RAPGEF2: variants seen among roughly 807,000 people sequenced by gnomAD.
The protein encoded by RAPGEF2 is Rap guanine nucleotide exchange factor 2.
RAPGEF2 carries 54 observed loss-of-function variants against 186.7 expected under a neutral mutation model. The ratio of observed to expected loss-of-function variants is 0.29; its 90% CI spans 0.23 to 0.36. The LOEUF is 0.36. Among genes scored for constraint, RAPGEF2 ranks in the 10% least tolerant of loss-of-function variants. RAPGEF2 has a pLI of 1.00. For missense variants in RAPGEF2, 1,532 were observed against 2,045.0 expected (o/e 0.75, Z 4.84); for synonymous variants, 712 against 705.9 (o/e 1.01, Z -0.14).
At chr4:159,301,689 T>C (rs572110944) in intron 7 of RAPGEF2, among the ~76,000 whole-genome samples, 3 of 152,022 alleles carry the variant, frequency 2.0e-5, no homozygotes, top group Admixed American at 1.3e-4. Flanking sequence ...ACCCTTTTAT[T>C]ATCTACAAAA....
chr4:159,160,984 GT>G (rs35097802), intron 1 of RAPGEF2, among the ~76,000 whole-genome samples: 53,160 of 151,602 alleles, frequency 0.35, 10,741 homozygotes, highest in East Asian at 0.6. Flanking sequence ...AGAAATTAAA[GT>G]TTTTTTTAAT....
At position 159,210,587 on chromosome 4, in the gene RAPGEF2, TTGTATAGACATTC is replaced by T. The variant is rs765490216; in HGVS notation, c.281+9_281+21del. On this transcript the variant is annotated splice_donor_5th_base_variant and intron_variant, in intron 4 of 29. Coordinates refer to ENST00000691494, the MANE Select transcript of RAPGEF2 (RefSeq NM_001394067.2). ...CCATGTTTCTTCCAAGAAGCAGGTA[TTGTATAGACATTC>T]TGTAATAGATTATCCATGAAGCTTG... The T allele has an allele frequency of 3.3e-6, 5 of 1,509,628 alleles. No homozygotes were observed. The African/African-American group carries it at 6.9e-5, about 21-fold the overall frequency. The allele number at this position is 1,509,628 out of a possible 1,614,324, so 93.5% of individuals were successfully genotyped here. A position where few individuals can be genotyped will look rare whatever the true frequency, so the allele number is the denominator to read the frequency against.
At chr4:159,155,205 A>AT (rs1483294135) in intron 1 of RAPGEF2, among the ~76,000 whole-genome samples, 2 of 152,132 alleles carry the variant, frequency 1.3e-5, no homozygotes, top group Admixed American at 6.6e-5. Context: ...AGACAATGAG[A>AT]TTTTTTTGAA....
intron 7 of RAPGEF2, among the ~76,000 whole-genome samples, chr4:159,253,491 G>A (rs1755729633): frequency 6.6e-6 from 1 of 152,152 alleles, no homozygotes; most frequent in African/African-American, 2.4e-5. Context: ...CAGACTTACT[G>A]TGTTAGATAT....
intron 4 of RAPGEF2, among the ~76,000 whole-genome samples, chr4:159,226,533 G>T (rs187140448): frequency 6.6e-6 from 1 of 152,224 alleles, no homozygotes; most frequent in Non-Finnish European, 1.5e-5. Flanking sequence ...GATTTGGTTG[G>T]AATTGCACTG....
At position 159,354,043 on chromosome 4, in the gene RAPGEF2, A is replaced by T. The variant is rs1731596135; in HGVS notation, c.4648A>T (p.Ile1550Phe). 1.1e-5 allele frequency: 17 copies of T among 1,559,074 alleles called. No individual in the cohort carries two copies. The highest frequency in any genetic ancestry group is 1.5e-5 in the Non-Finnish European group (17 of 1,156,988). ...AVASSTTKGL[I>F]ARKEGRYREP... The stretch of plus-strand genomic sequence containing the variant: ...GGCATCAAGTACTACAAAGGGGCTC[A>T]TTGGTAAGTTTTAAAATTGGGGGAC... The change falls in exon 28 of 30, where the codon ATT becomes TTT. Residue 1550 changes from isoleucine (I) to phenylalanine (F), a missense_variant. Ile to Phe is a conservative substitution (Grantham distance 21). Around this residue, in one of 4 missense-constraint regions of RAPGEF2, gnomAD observed 594 missense variants for 608.5 expected, o/e 0.98. Coordinates refer to ENST00000691494, the MANE Select transcript of RAPGEF2 (RefSeq NM_001394067.2).
Position 159,352,808 on chromosome 4 carries a change from A to G in RAPGEF2, c.3989A>G (p.Asp1330Gly), listed in dbSNP as rs199833422. 4 of 1,614,210 alleles carry G rather than the reference A, an allele frequency of 2.5e-6. No homozygotes were observed. Among genetic ancestry groups the G allele is most frequent in the South Asian group, 1.1e-5 (1 of 91,084 alleles). ...SFDSVPVSLH[D>G]ERRQRHSVSI... ...GACTCAGTGCCAGTCTCACTGCACGATGAGAGGCGCCAGAGGCATTCTGTC... is the reference window on the plus strand; with the variant it reads ...GACTCAGTGCCAGTCTCACTGCACGGTGAGAGGCGCCAGAGGCATTCTGTC... Residue 1330 changes from aspartate to glycine, a missense_variant, in exon 27 of 30, where the codon GAT (aspartate) becomes GGT (glycine). Asp to Gly is a moderately conservative substitution (Grantham distance 94). This residue lies in a region of RAPGEF2 where 594 missense variants were observed against 608.5 expected (regional missense o/e 0.98). Transcript: ENST00000691494.
chr4:159,261,924 A>T (rs1271487640), intron 7 of RAPGEF2, among the ~76,000 whole-genome samples: 1 of 151,886 alleles, frequency 6.6e-6, no homozygotes, highest in East Asian at 1.9e-4. Context: ...GTAGGTCTTT[A>T]TATTTATTCC....
intron 7 of RAPGEF2, among the ~76,000 whole-genome samples, chr4:159,257,538 T>G (rs1321868530): frequency 6.6e-6 from 1 of 152,160 alleles, no homozygotes; most frequent in African/African-American, 2.4e-5. Context: ...AAAATGAGAT[T>G]TGGTTGGGGA....
chr4:159,250,516 C>A (rs894763390), intron 7 of RAPGEF2, among the ~76,000 whole-genome samples: 4 of 151,998 alleles, frequency 2.6e-5, no homozygotes, highest in Non-Finnish European at 5.9e-5. Context: ...CTCAGGCTGT[C>A]TTGATTTTTA....
rs71589215 is a variant in RAPGEF2 at position 159,178,551 on chromosome 4, C to CTTTTTTTTTTTT, written c.70-8078_70-8067dup. Among the ~76,000 whole-genome samples the CTTTTTTTTTTTT allele has an allele frequency of 9.3e-5, 7 of 75,484 alleles. 1 individual carries two copies. Among genetic ancestry groups the CTTTTTTTTTTTT allele is most frequent in the Non-Finnish European group, 1.4e-4 (6 of 43,136 alleles). The allele number at this position is 75,484 out of a possible 152,430, so 49.5% of individuals were successfully genotyped here. ...TTCTTTCCCATTAGCATGTATTATG[C>CTTTTTTTTTTTT]TTTTTTTTTTTTTTTTTTTTTTTTG... On this transcript the variant is annotated intron_variant, in intron 1 of 29. Transcript: ENST00000691494.
intron 6 of RAPGEF2, among the ~76,000 whole-genome samples, chr4:159,241,788 C>T (rs1754040081): frequency 6.6e-6 from 1 of 151,936 alleles, no homozygotes; most frequent in African/African-American, 2.4e-5. Flanking sequence ...GCACTCCACC[C>T]TTCACTCCCA....
chr4:159,253,974 A>G (rs986098437), intron 7 of RAPGEF2, among the ~76,000 whole-genome samples: 2 of 152,218 alleles, frequency 1.3e-5, no homozygotes, highest in Admixed American at 1.3e-4. Flanking sequence ...CTGTGAAAAA[A>G]AGGTGCCAGT....
At chr4:159,160,650 T>C (rs542466841) in intron 1 of RAPGEF2, among the ~76,000 whole-genome samples, 10 of 152,386 alleles carry the variant, frequency 6.6e-5, no homozygotes, top group African/African-American at 1.9e-4. Context: ...ATATTCAGTA[T>C]ATCTTTTTCT....
At chr4:159,349,602 C>T (rs913229475) in intron 25 of RAPGEF2, among the ~76,000 whole-genome samples, 6 of 152,134 alleles carry the variant, frequency 3.9e-5, no homozygotes, top group Non-Finnish European at 5.9e-5. Flanking sequence ...CAAGTATTAA[C>T]TGCATGGAAT....
intron 17 of RAPGEF2, among the ~76,000 whole-genome samples, chr4:159,336,564 CAT>C (rs1767451452): frequency 6.6e-6 from 1 of 152,136 alleles, no homozygotes; most frequent in African/African-American, 2.4e-5. Context: ...TTTATCCACT[CAT>C]TAGTCGATGT....
chr4:159,158,506 C>T (rs184322159), intron 1 of RAPGEF2, among the ~76,000 whole-genome samples: 134 of 152,222 alleles, frequency 8.8e-4, no homozygotes, highest in Admixed American at 3.5e-3. Flanking sequence ...AATTTCCTAC[C>T]CAAATCTCTC....
chr4:159,306,161 T>G, intron 8 of RAPGEF2, among the ~76,000 whole-genome samples: 1 of 152,046 alleles, frequency 6.6e-6, no homozygotes. Flanking sequence ...TCTAATTCTG[T>G]GAAAAATGAT....
intron 1 of RAPGEF2, among the ~76,000 whole-genome samples, chr4:159,162,665 GA>G (rs1383409543): frequency 6.6e-6 from 1 of 152,056 alleles, no homozygotes; most frequent in Non-Finnish European, 1.5e-5. Flanking sequence ...ACAAAAAGAA[GA>G]TTCTAGATTA....
Sources: gnomAD v4.1 joint callset for allele counts (sites outside exome capture counted in the v4.1 genomes callset) on GRCh38, gnomAD v4.1.1 for gene constraint, gnomAD v4.1.1 regional missense constraint, MANE v1.5 for transcripts, NCBI Gene and HGNC (gene_info 2026-07-23, HGNC 2026-07-21) for gene names.